FAAP100: variants seen among roughly 807,000 people sequenced by gnomAD.
FAAP100 encodes the protein FA core complex associated protein 100.
A neutral mutation model predicts 65.8 loss-of-function variants in FAAP100; 46 were observed. That is an observed-to-expected ratio of 0.70 (90% CI 0.55 to 0.89). FAAP100 has a LOEUF of 0.89. FAAP100 is among the 40% of genes least tolerant of loss of function. FAAP100 has a pLI of 0.00. For synonymous variants in FAAP100, 663 were observed against 555.1 expected (o/e 1.19, Z -2.73); for missense variants, 1,165 against 1,196.7 (o/e 0.97, Z 0.39).
At chr17:81,542,152 G>A (rs2033121331) in intron 7 of FAAP100, among the ~76,000 whole-genome samples, 2 of 110,106 alleles carry the variant, frequency 1.8e-5, no homozygotes, top group African/African-American at 3.8e-5. Flanking sequence ...GGGCGACAGA[G>A]TGAGACTCCG....
At chr17:81,550,168 G>A (rs1258387577) in intron 3 of FAAP100, 80 bp downstream of exon 3, 4 of 1,326,354 alleles carry the variant, frequency 3.0e-6, no homozygotes, top group African/African-American at 1.5e-5. Context: ...AGGAAAGGAA[G>A]GCGGCCTGAT....
Position 81,550,301 on chromosome 17 carries a change from C to T in FAAP100, c.1193G>A (p.Ser398Asn). Reference protein sequence around the residue: ...GGLPPMLCPASLNICSVVSLS... With the variant: ...GGLPPMLCPANLNICSVVSLS... The stretch of plus-strand genomic sequence containing the variant: ...CGAGACGACACTGCAGATGTTCAGG[C>T]TGGCTGGGCACAGCATGGGGGGCAG... Residue 398 changes from serine to asparagine, a missense_variant, in exon 3 of 9, where the codon AGC (serine) becomes AAC (asparagine). Coordinates refer to ENST00000327787, the MANE Select transcript of FAAP100 (RefSeq NM_025161.6). The T allele has an allele frequency of 3.7e-6, 6 of 1,612,288 alleles. No individual in the cohort carries two copies. Among genetic ancestry groups the T allele is most frequent in the Non-Finnish European group, 5.1e-6 (6 of 1,179,668 alleles).
Position 81,540,023 on chromosome 17 carries a change from G to A in FAAP100, c.*796C>T, listed in dbSNP as rs548386354. On this transcript the variant is annotated 3_prime_UTR_variant, in exon 9 of 9. Coordinates refer to ENST00000327787, the MANE Select transcript of FAAP100 (RefSeq NM_025161.6). ...CAGATGAAAACACCAGCACCAGGAG[G>A]TGGGCCGTAGCCCAGGCTGAGGGAG... The A allele has an allele frequency of 2.1e-4, 83 of 398,992 alleles. No individual in the cohort carries two copies. The Middle Eastern group carries it at 2.5e-3, about 12-fold the overall frequency. 24.7% of individuals were successfully genotyped at this position (398,992 alleles called of 1,614,324 possible).
At chr17:81,541,230 A>C in intron 8 of FAAP100, 79 bp downstream of exon 8, 3 of 1,449,002 alleles carry the variant, frequency 2.1e-6, no homozygotes, top group Non-Finnish European at 9.5e-7. Context: ...GCGGACCCCG[A>C]GTGACTAGAG....
At position 81,550,511 on chromosome 17, in the gene FAAP100, C is replaced by T. The variant is rs1430725234; in HGVS notation, c.983G>A (p.Trp328Ter). 1.2e-6 allele frequency: 2 copies of T among 1,612,734 alleles called. No individual in the cohort carries two copies. Among genetic ancestry groups the T allele is most frequent in the Non-Finnish European group, 8.5e-7 (1 of 1,180,016 alleles). The change falls in exon 3 of 9, where the codon TGG becomes TAG. Residue 328 changes from tryptophan to a stop codon, truncating the protein, a stop_gained. Coordinates refer to ENST00000327787, the MANE Select transcript of FAAP100 (RefSeq NM_025161.6). LOFTEE classifies it high-confidence loss of function. ...GGGCACCAGCTTCCCGGACTCATCC[C>T]AGCTGGCCTTGATGGCCAGCATCCG... ...HGRMLAIKAS[W>*]DESGKLVPEL...
At position 81,550,850 on chromosome 17, in the gene FAAP100, G is replaced by A. The variant is rs2033465743; in HGVS notation, c.644C>T (p.Ser215Phe). 1 of 1,611,950 alleles carries A rather than the reference G, an allele frequency of 6.2e-7. No homozygotes were observed. ...SRVPHDLLGGSGGFTLEDALF... is the reference protein window; with the variant it reads ...SRVPHDLLGGFGGFTLEDALF... ...GGCGTCCTCCAGCGTGAAGCCCCCGGAGCCCCCGAGGAGGTCGTGCGGGAC... is the reference window on the plus strand; with the variant it reads ...GGCGTCCTCCAGCGTGAAGCCCCCGAAGCCCCCGAGGAGGTCGTGCGGGAC... Residue 215 changes from serine to phenylalanine, a missense_variant, in exon 3 of 9, where the codon TCC (serine) becomes TTC (phenylalanine). Transcript: ENST00000327787.
intron 2 of FAAP100, chr17:81,551,632 A>G: frequency 8.3e-7 from 1 of 1,210,684 alleles, no homozygotes; most frequent in Non-Finnish European, 1.1e-6. Context: ...TAAAGACCCA[A>G]CCTCGGGGGC....
At position 81,540,936 on chromosome 17, in the gene FAAP100, C is replaced by CTCCCGCAGCAGTGTCTGCAGGTGA; in HGVS notation, c.2515-10_2528dup (p.Arg842_Glu843insAspHisLeuGlnThrLeuLeuArg). ...AGAGCCGGTCGCGCAGGGTCTGCAC[C>CTCCCGCAGCAGTGTCTGCAGGTGA]TCCCGCAGCAGTGTCTGCAGGTGAA... On this transcript the variant is annotated inframe_insertion, in exon 9 of 9. Transcript: ENST00000327787. 1 of 1,587,710 alleles carries CTCCCGCAGCAGTGTCTGCAGGTGA rather than the reference C, an allele frequency of 6.3e-7. No homozygotes were observed. Among genetic ancestry groups the CTCCCGCAGCAGTGTCTGCAGGTGA allele is most frequent in the African/African-American group, 1.3e-5 (1 of 74,712 alleles).
chr17:81,542,166 CAAAAAAAAAAAAAAAAAAA>C (rs1157407171), intron 7 of FAAP100, among the ~76,000 whole-genome samples: 3 of 63,728 alleles, frequency 4.7e-5, no homozygotes, highest in African/African-American at 1.7e-4. Flanking sequence ...GACTCCGTCT[CAAAAAAAAAAAAAAAAAAA>C]AAAAAAAAAA....
At chr17:81,551,838 C>A (rs1276940128) in intron 2 of FAAP100, 90 bp downstream of exon 2, 13 of 1,400,756 alleles carry the variant, frequency 9.3e-6, no homozygotes, top group African/African-American at 1.5e-5. Context: ...CAGCCCGGGT[C>A]CCCAAGCGCG....
Position 81,550,459 on chromosome 17 carries a change from G to A in FAAP100, c.1035C>T (p.Gly345=). 1 of 1,612,586 alleles carries A rather than the reference G, an allele frequency of 6.2e-7. No homozygotes were observed. The highest frequency in any genetic ancestry group is 1.1e-5 in the South Asian group (1 of 91,074). The part of the protein sequence containing the change: ...VPELREYCLP[G]PVLCAACGGG... ...CGCCACAGGCAGCGCAGAGCACAGG[G>A]CCTGGGAGGCAGTACTCCCGCAGCT... is the stretch of plus-strand genomic sequence containing the variant. Residue 345 remains glycine, a synonymous_variant, in exon 3 of 9, where the codon GGC becomes GGT. Coordinates refer to ENST00000327787, the MANE Select transcript of FAAP100 (RefSeq NM_025161.6).
At chr17:81,550,131 C>A in intron 3 of FAAP100, 117 bp downstream of exon 3, 1 of 1,014,146 alleles carries the variant, frequency 9.9e-7, no homozygotes, top group Non-Finnish European at 1.5e-6. Flanking sequence ...GTATCAGCAC[C>A]CGTCAGCCTT....
chr17:81,540,856 T>C lies in FAAP100; in HGVS notation c.2609A>G (p.Tyr870Cys), dbSNP rs1190457419. The change falls in exon 9 of 9, where the codon TAC (tyrosine) becomes TGC (cysteine). Residue 870 changes from tyrosine (Y) to cysteine (C), a missense_variant. Coordinates refer to ENST00000327787, the MANE Select transcript of FAAP100 (RefSeq NM_025161.6). ...CATAQRLLQV[Y>C]RQLRHPSLIL... ...GAGGCTGGGGTGGCGCAGCTGCCGG[T>C]ACACCTGTAGCAGCCTCTGGGCGGT... 2 of 1,548,956 alleles carry C rather than the reference T, an allele frequency of 1.3e-6. No homozygotes were observed. The highest frequency in any genetic ancestry group is 2.4e-5 in the East Asian group (1 of 41,562).
upstream of FAAP100, chr17:81,552,461 C>T: frequency 1.2e-6 from 1 of 857,414 alleles, no homozygotes; most frequent in Non-Finnish European, 1.5e-6. Context: ...GGGGGCGGGC[C>T]GGAAAGGACG....
chr17:81,547,793 G>T, intron 4 of FAAP100, 115 bp from the exon 5 acceptor site: 1 of 1,306,072 alleles, frequency 7.7e-7, no homozygotes, highest in Non-Finnish European at 1.1e-6. Context: ...GCACACGGTG[G>T]GTGTGGAGCC....
chr17:81,541,941 G>A (rs368394270), intron 7 of FAAP100, among the ~76,000 whole-genome samples: 4 of 151,970 alleles, frequency 2.6e-5, no homozygotes, highest in East Asian at 1.9e-4. Flanking sequence ...CGAGGCAGGC[G>A]GATAACTTAA....
intron 7 of FAAP100, among the ~76,000 whole-genome samples, chr17:81,542,660 C>G (rs527998375): frequency 5.9e-5 from 9 of 152,178 alleles, no homozygotes; most frequent in Admixed American, 3.3e-4. Flanking sequence ...CTCCTGGGCG[C>G]TGACTCAGGC....
Position 81,550,554 on chromosome 17 carries a change from C to A in FAAP100, c.940G>T (p.Ala314Ser), listed in dbSNP as rs1209474059. The change falls in exon 3 of 9, where the codon GCC becomes TCC. Residue 314 changes from alanine (A) to serine (S), a missense_variant. Ala to Ser is a moderately conservative substitution (Grantham distance 99, BLOSUM62 1). Coordinates refer to ENST00000327787, the MANE Select transcript of FAAP100 (RefSeq NM_025161.6). ...DEDVHCDCLV[A>S]FGHHGRMLAI... Reference sequence around the variant, plus strand: ...AGCATCCGGCCGTGGTGACCAAAGGCCACCAGGCAGTCACAGTGCACATCC... The same window carrying A: ...AGCATCCGGCCGTGGTGACCAAAGGACACCAGGCAGTCACAGTGCACATCC... The A allele has an allele frequency of 6.2e-7, 1 of 1,612,902 alleles. No individual in the cohort carries two copies. The highest frequency in any genetic ancestry group is 8.5e-7 in the Non-Finnish European group (1 of 1,180,028).
intron 1 of FAAP100, 31 bp from the exon 2 acceptor site, chr17:81,552,083 C>G: frequency 1.4e-6 from 2 of 1,456,880 alleles, no homozygotes; most frequent in African/African-American, 3.0e-5. Flanking sequence ...CAGGCCGACG[C>G]GACGCGCGGG....
Sources: gnomAD v4.1 joint callset for allele counts (sites outside exome capture counted in the v4.1 genomes callset) on GRCh38, gnomAD v4.1.1 for gene constraint, MANE v1.5 for transcripts, NCBI Gene and HGNC (gene_info 2026-07-23, HGNC 2026-07-21) for gene names.